S100A2: variants seen among roughly 807,000 people sequenced by gnomAD.
The protein encoded by S100A2 is protein S100-A2.
S100A2 carries 5 observed loss-of-function variants against 4.3 expected under a neutral mutation model. The ratio of observed to expected loss-of-function variants is 1.16; its 90% CI spans 0.61 to 2.44. S100A2 has a LOEUF of 2.44. Among genes scored for constraint, S100A2 ranks in the 30% most tolerant of loss-of-function variants. The probability of loss-of-function intolerance (pLI) is 0.01; values close to 1 mark genes in which losing one functional copy is unlikely to be tolerated. For synonymous variants in S100A2, 44 were observed against 46.0 expected (o/e 0.96, Z 0.17); for missense variants, 103 against 114.7 (o/e 0.90, Z 0.47).
intron 2 of S100A2, among the ~76,000 whole-genome samples, chr1:153,562,051 T>A (rs1188201770): frequency 6.6e-6 from 1 of 152,038 alleles, no homozygotes; most frequent in East Asian, 1.9e-4. Context: ...AGCCTCAACC[T>A]CCTGGGCTCC....
At position 153,565,626 on chromosome 1, in the gene S100A2, C is replaced by G. The variant is rs1665990716; in HGVS notation, c.-131G>C. On this transcript the variant is annotated 5_prime_UTR_variant, in exon 1 of 3. Transcript: ENST00000368708. Reference sequence around the variant, plus strand: ...GGCATTTTAAGGAAACCAAACCTGCCTCAACCTGATCCCACCAAACCCTGG... The same window carrying G: ...GGCATTTTAAGGAAACCAAACCTGCGTCAACCTGATCCCACCAAACCCTGG... 6.6e-6 allele frequency: 1 copy of G among 152,500 alleles called. No individual in the cohort carries two copies. The highest frequency in any genetic ancestry group is 2.4e-5 in the African/African-American group (1 of 41,466). 9.4% of individuals were successfully genotyped at this position (152,500 alleles called of 1,614,324 possible). A position where few individuals can be genotyped will look rare whatever the true frequency, so the allele number is the denominator to read the frequency against.
chr1:153,563,324 A>C, intron 2 of S100A2: 1 of 1,340,650 alleles, frequency 7.5e-7, no homozygotes, highest in Non-Finnish European at 1.0e-6. Context: ...GTGAGCCGAG[A>C]TCGTGCCATT....
At position 153,563,620 on chromosome 1, in the gene S100A2, G is replaced by C. The variant is rs1457381503; in HGVS notation, c.144+114C>G. 1.9e-6 allele frequency: 3 copies of C among 1,567,862 alleles called. No individual in the cohort carries two copies. In the East Asian group the frequency reaches 7.1e-5, roughly 37 times the overall value. On this transcript the variant is annotated intron_variant, in intron 2 of 2. Coordinates refer to ENST00000368708, the MANE Select transcript of S100A2 (RefSeq NM_005978.4). ...GAGCCATGAAGCTAAAGTGGGGAGG[G>C]GGCTGGGCCCCACCCTGGCACCTGC...
chr1:153,565,301 G>A (rs192355405), intron 1 of S100A2, among the ~76,000 whole-genome samples: 1,217 of 114,314 alleles, frequency 0.011, 7 homozygotes, highest in Middle Eastern at 0.019. Context: ...GACAGAGCGA[G>A]ACTCCATCTC....
chr1:153,561,637 C>G, intron 2 of S100A2, 46 bp from the exon 3 acceptor site: 2 of 1,613,228 alleles, frequency 1.2e-6, no homozygotes, highest in Non-Finnish European at 1.7e-6. Flanking sequence ...AGCCCCAACC[C>G]CAGCTCCACC....
intron 2 of S100A2, 120 bp from the exon 3 acceptor site, chr1:153,561,711 G>A: frequency 1.4e-6 from 2 of 1,431,186 alleles, no homozygotes; most frequent in Non-Finnish European, 1.9e-6. Flanking sequence ...GGGCAGCTGG[G>A]TATAAGGTGG....
Position 153,561,326 on chromosome 1 carries a change from C to G in S100A2, c.*113G>C, listed in dbSNP as rs780592926. 3.8e-6 allele frequency: 5 copies of G among 1,332,746 alleles called. No individual in the cohort carries two copies. Among genetic ancestry groups the G allele is most frequent in the African/African-American group, 1.5e-5 (1 of 67,248 alleles). The allele number at this position is 1,332,746 out of a possible 1,614,324, so 82.6% of individuals were successfully genotyped here. Reference sequence around the variant, plus strand: ...GAGCCAGCCGGGTTATGGAACATCACTGAGCAATTAAAATATTATCAACAG... The same window carrying G: ...GAGCCAGCCGGGTTATGGAACATCAGTGAGCAATTAAAATATTATCAACAG... On this transcript the variant is annotated 3_prime_UTR_variant, in exon 3 of 3. Transcript: ENST00000368708.
chr1:153,563,188 A>G (rs1372521110), intron 2 of S100A2, among the ~76,000 whole-genome samples: 1 of 152,060 alleles, frequency 6.6e-6, no homozygotes, highest in African/African-American at 2.4e-5. Context: ...CCTGGCCAAT[A>G]TGGTGAAACC....
intron 2 of S100A2, 77 bp from the exon 3 acceptor site, chr1:153,561,668 A>G (rs952573960): frequency 1.2e-6 from 2 of 1,605,064 alleles, no homozygotes. Context: ...ACCCTCACAC[A>G]TTCAGGTTGG....
chr1:153,562,106 C>T (rs1398668776), intron 2 of S100A2, among the ~76,000 whole-genome samples: 1 of 152,154 alleles, frequency 6.6e-6, no homozygotes, highest in East Asian at 1.9e-4. Context: ...GGACCACAGG[C>T]TCATGCCACC....
intron 2 of S100A2, among the ~76,000 whole-genome samples, chr1:153,562,500 A>G (rs568220160): frequency 2.8e-4 from 42 of 152,288 alleles, no homozygotes; most frequent in African/African-American, 9.6e-4. Flanking sequence ...AGCCACAAAA[A>G]CAAAATTAAA....
intron 1 of S100A2, 73 bp downstream of exon 1, chr1:153,565,433 G>C (rs895250720): frequency 1.3e-5 from 2 of 152,556 alleles, no homozygotes; most frequent in Admixed American, 6.6e-5. Flanking sequence ...TGGAATGAGA[G>C]AACTGTGGAG....
rs1418758758 is a variant in S100A2, at chr1:153,563,834, G to A, written c.44C>T (p.Thr15Ile). 3.7e-6 allele frequency: 6 copies of A among 1,614,114 alleles called. No homozygotes were observed. In the African/African-American group the frequency reaches 6.7e-5, roughly 18 times the overall value. The stretch of plus-strand genomic sequence containing the variant: ...TTGGCAGGAGTACTTGTGGAAGGTA[G>A]TGACCAGCACAGCCAGCGCCTGCTC... The part of the protein sequence containing the change: ...SLEQALAVLV[T>I]TFHKYSCQEG... The change falls in exon 2 of 3, where the codon ACT becomes ATT. Residue 15 changes from threonine to isoleucine, a missense_variant. Physicochemically the swap from Thr to Ile is moderately conservative, Grantham distance 89 (BLOSUM62 -1). Transcript: ENST00000368708.
chr1:153,563,536 G>A (rs958825656), intron 2 of S100A2, 198 bp downstream of exon 2: 1 of 1,550,970 alleles, frequency 6.4e-7, no homozygotes. Context: ...TCTCTGGAAT[G>A]CTGCAGGAAA....
intron 2 of S100A2, among the ~76,000 whole-genome samples, chr1:153,562,004 C>T (rs1217147955): frequency 6.6e-6 from 1 of 152,260 alleles, no homozygotes; most frequent in African/African-American, 2.4e-5. Flanking sequence ...CTCTGTTGCC[C>T]AGGCTGGAGT....
chr1:153,563,997 T>C, intron 1 of S100A2, 110 bp from the exon 2 acceptor site: 1 of 1,133,360 alleles, frequency 8.8e-7, no homozygotes, highest in South Asian at 1.6e-5. Context: ...AAAACCCCTC[T>C]CTGAATGGGA....
rs1379681186 is a variant in S100A2, at chr1:153,563,822, T to A, written c.56A>T (p.Lys19Met). ...CTTGTCGCCCTCTTGGCAGGAGTAC[T>A]TGTGGAAGGTAGTGACCAGCACAGC... ...ALAVLVTTFHKYSCQEGDKFK... is the reference protein window; with the variant it reads ...ALAVLVTTFHMYSCQEGDKFK... Residue 19 changes from lysine to methionine, a missense_variant, in exon 2 of 3, where the codon AAG becomes ATG. Physicochemically the swap from Lys to Met is moderately conservative, Grantham distance 95. Coordinates refer to ENST00000368708, the MANE Select transcript of S100A2 (RefSeq NM_005978.4). 11 of 1,614,082 alleles carry A rather than the reference T, an allele frequency of 6.8e-6. No individual in the cohort carries two copies. The Admixed American group carries it at 1.7e-4, about 24-fold the overall frequency.
chr1:153,564,508 CAG>C (rs983367554), intron 1 of S100A2, among the ~76,000 whole-genome samples: 4 of 152,180 alleles, frequency 2.6e-5, no homozygotes, highest in African/African-American at 9.7e-5. Context: ...TCTAGGCAGA[CAG>C]GGGCATGGAT....
At chr1:153,561,878 C>A (rs1056899861) in intron 2 of S100A2, among the ~76,000 whole-genome samples, 2 of 152,204 alleles carry the variant, frequency 1.3e-5, no homozygotes, top group African/African-American at 4.8e-5. Flanking sequence ...AGGAGCCCAG[C>A]GAGGTAGGTA....
Sources: allele counts gnomAD v4.1 joint callset (sites outside exome capture counted in the v4.1 genomes callset), GRCh38; gene constraint gnomAD v4.1.1; transcripts MANE v1.5; gene names NCBI Gene and HGNC (gene_info 2026-07-23, HGNC 2026-07-21).